Variants in FGF14 observed in about 807,000 individuals in gnomAD.
FGF14 encodes fibroblast growth factor 14.
A neutral mutation model predicts 25.5 loss-of-function variants in FGF14; 5 were observed. The ratio of observed to expected loss-of-function variants is 0.20; its 90% CI spans 0.10 to 0.41. The LOEUF (loss-of-function observed/expected upper bound fraction) is 0.41. FGF14 is among the 10% of genes least tolerant of loss of function. FGF14 has a pLI of 1.00. For synonymous variants in FGF14, 138 were observed against 118.3 expected, an observed-to-expected ratio of 1.17 and a Z score of -1.08; for missense variants, 222 against 320.1, an observed-to-expected ratio of 0.69 and a Z score of 2.34.
chr13:102,338,068 T>C (rs1004431285), intron 1 of FGF14, among the ~76,000 whole-genome samples: 2 of 152,122 alleles, frequency 1.3e-5, no homozygotes, highest in Non-Finnish European at 2.9e-5. Context: ...TTGAAAAACA[T>C]GGTAATATTT....
intron 1 of FGF14, among the ~76,000 whole-genome samples, chr13:102,221,229 A>T (rs1313584533): frequency 1.3e-5 from 2 of 152,310 alleles, no homozygotes; most frequent in African/African-American, 4.8e-5. Flanking sequence ...ACTCTTATCA[A>T]AAGAGAACTA....
rs773159853 is a variant in FGF14, at chr13:101,722,620, G to C, written c.*211C>G. On this transcript the variant is annotated 3_prime_UTR_variant, in exon 5 of 5. Transcript: ENST00000376143. ...TATCTGGTAGGGCATTCCATGGTCTGAGTTTAGCTGGTTATCCAGGTGTCT... is the reference window on the plus strand; with the variant it reads ...TATCTGGTAGGGCATTCCATGGTCTCAGTTTAGCTGGTTATCCAGGTGTCT... 6.9e-5 allele frequency: 43 copies of C among 622,846 alleles called. No individual in the cohort carries two copies. Among genetic ancestry groups the C allele is most frequent in the Non-Finnish European group, 1.2e-4 (43 of 352,722 alleles). 38.6% of individuals were successfully genotyped at this position (622,846 alleles called of 1,614,324 possible).
At chr13:102,101,853 C>T (rs190850988) in intron 1 of FGF14, among the ~76,000 whole-genome samples, 22 of 152,246 alleles carry the variant, frequency 1.4e-4, no homozygotes, top group East Asian at 3.9e-4. Context: ...TACAGATGCA[C>T]GCCACCACAC....
Position 101,722,748 on chromosome 13 carries a change from G to T in FGF14, c.*83C>A. 3 of 1,584,296 alleles carry T rather than the reference G, an allele frequency of 1.9e-6. No individual in the cohort carries two copies. The highest frequency in any genetic ancestry group is 2.2e-5 in the South Asian group (2 of 89,908). ...TTAGCTTACTTCCTGCTGCTCTTCA[G>T]CCACGGAGCAGGAATGTCTGGTGAG... On this transcript the variant is annotated 3_prime_UTR_variant, in exon 5 of 5. Coordinates refer to ENST00000376143, the MANE Select transcript of FGF14 (RefSeq NM_004115.4).
intron 3 of FGF14, among the ~76,000 whole-genome samples, chr13:101,822,358 C>A (rs1217541688): frequency 6.6e-6 from 1 of 151,822 alleles, no homozygotes; most frequent in Non-Finnish European, 1.5e-5. Flanking sequence ...ATACTTGTAC[C>A]AAAAGCACAA....
At chr13:102,242,742 T>C (rs1232242147) in intron 1 of FGF14, among the ~76,000 whole-genome samples, 1 of 152,102 alleles carries the variant, frequency 6.6e-6, no homozygotes, top group Non-Finnish European at 1.5e-5. Context: ...CATTATCTCC[T>C]CTGGGCATAT....
chr13:102,217,046 A>C (rs1255922382), intron 1 of FGF14, among the ~76,000 whole-genome samples: 1 of 151,348 alleles, frequency 6.6e-6, no homozygotes, highest in Non-Finnish European at 1.5e-5. Context: ...TTCTCTTTCC[A>C]TTCATCCACT....
chr13:101,804,997 G>T (rs2041117049), intron 3 of FGF14, among the ~76,000 whole-genome samples: 1 of 152,074 alleles, frequency 6.6e-6, no homozygotes, highest in South Asian at 2.1e-4. Flanking sequence ...GTCACATGCT[G>T]AAATACATAT....
At chr13:102,241,357 T>G (rs2051589836) in intron 1 of FGF14, among the ~76,000 whole-genome samples, 1 of 152,110 alleles carries the variant, frequency 6.6e-6, no homozygotes, top group Non-Finnish European at 1.5e-5. Context: ...CAAGAAATGG[T>G]AAGGGTCACT....
intron 1 of FGF14, among the ~76,000 whole-genome samples, chr13:102,198,809 C>T (rs1161459812): frequency 1.3e-5 from 2 of 152,146 alleles, no homozygotes; most frequent in Non-Finnish European, 2.9e-5. Context: ...GTATTTTATT[C>T]AATGCCTTCC....
rs577682031 is a variant in FGF14 at position 101,722,320 on chromosome 13, T to C, written c.*511A>G. On this transcript the variant is annotated 3_prime_UTR_variant, in exon 5 of 5. Transcript: ENST00000376143. ...ACATTTAAGATTTAGAGGAACAAAA[T>C]CCCTGCAAAAGGTCACAGACAGTGG... 5.4e-4 allele frequency: 95 copies of C among 174,736 alleles called. No individual in the cohort carries two copies. The highest frequency in any genetic ancestry group is 2.1e-3 in the African/African-American group (89 of 41,820). 10.8% of individuals were successfully genotyped at this position (174,736 alleles called of 1,614,324 possible). A position where few individuals can be genotyped will look rare whatever the true frequency, so the allele number is the denominator to read the frequency against.
At position 102,161,570 on chromosome 13, in the gene FGF14, A is replaced by AAGAAAGAAGAAGAAAGAAGAAGAAG; in HGVS notation, c.208+239900_208+239901insCTTCTTCTTCTTTCTTCTTCTTTCT. 3.5e-4 allele frequency among the ~76,000 whole-genome samples: 2 copies of AAGAAAGAAGAAGAAAGAAGAAGAAG among 5,652 alleles called. 1 individual carries two copies. Among genetic ancestry groups the AAGAAAGAAGAAGAAAGAAGAAGAAG allele is most frequent in the South Asian group, 0.016 (2 of 124 alleles). The allele number at this position is 5,652 out of a possible 152,430, so 3.7% of individuals were successfully genotyped here. A position where few individuals can be genotyped will look rare whatever the true frequency, so the allele number is the denominator to read the frequency against. On this transcript the variant is annotated intron_variant, in intron 1 of 4. Coordinates refer to the FGF14 transcript ENST00000376131. ...TCTATGCAACCAACTTTCTGTGAAG[A>AAGAAAGAAGAAGAAAGAAGAAGAAG]AAGAAAGAAGAAGAAGAAGAAGAAG...
intron 3 of FGF14, among the ~76,000 whole-genome samples, chr13:101,762,845 C>T (rs999344517): frequency 6.6e-6 from 1 of 152,138 alleles, no homozygotes; most frequent in African/African-American, 2.4e-5. Context: ...TCCTACCTCC[C>T]ATGGTGTCAC....
At chr13:101,953,877 A>C (rs1403010167) in intron 1 of FGF14, among the ~76,000 whole-genome samples, 2 of 152,032 alleles carry the variant, frequency 1.3e-5, no homozygotes, top group African/African-American at 2.4e-5. Flanking sequence ...GGAGTGAGTC[A>C]CCGTGCCCGG....
At chr13:102,287,097 T>C (rs1318949406) in intron 1 of FGF14, among the ~76,000 whole-genome samples, 1 of 152,104 alleles carries the variant, frequency 6.6e-6, no homozygotes, top group African/African-American at 2.4e-5. Flanking sequence ...CTGCACGTTG[T>C]GCACATGTAC....
At chr13:102,034,726 G>C (rs2041384624) in intron 1 of FGF14, among the ~76,000 whole-genome samples, 1 of 152,108 alleles carries the variant, frequency 6.6e-6, no homozygotes, top group Admixed American at 6.6e-5. Context: ...CCTCACCCTA[G>C]TCCTGGTCCT....
At chr13:102,342,072 G>A (rs1374044246) in intron 1 of FGF14, among the ~76,000 whole-genome samples, 2 of 152,130 alleles carry the variant, frequency 1.3e-5, no homozygotes, top group Admixed American at 1.3e-4. Flanking sequence ...GAAAATCAGT[G>A]TTTTCTGATA....
chr13:102,326,387 A>G (rs1442869230), intron 1 of FGF14, among the ~76,000 whole-genome samples: 1 of 152,140 alleles, frequency 6.6e-6, no homozygotes, highest in Non-Finnish European at 1.5e-5. Flanking sequence ...AATCAAACCC[A>G]AAAGAAGAAT....
In FGF14 at chr13:101,929,255, A is replaced by C. The variant is rs138102707; in HGVS notation, c.209-53959T>G. ...AGCTCCACCTGGTATGGGTTGGGAAAGGTCTCATGGAAACAGTAACACCTG... is the reference window on the plus strand; with the variant it reads ...AGCTCCACCTGGTATGGGTTGGGAACGGTCTCATGGAAACAGTAACACCTG... On this transcript the variant is annotated intron_variant, in intron 1 of 4. Transcript: ENST00000376131. Among the ~76,000 whole-genome samples the C allele has an allele frequency of 8.1e-3, 1,236 of 152,320 alleles. 6 individuals are homozygous for C. The highest frequency in any genetic ancestry group is 0.01 in the Middle Eastern group (3 of 294).
Sources: allele counts gnomAD v4.1 joint callset (sites outside exome capture counted in the v4.1 genomes callset), GRCh38; gene constraint gnomAD v4.1.1; transcripts MANE v1.5; gene names NCBI Gene and HGNC (gene_info 2026-07-23, HGNC 2026-07-21).